The following TTC39A variants were observed in gnomAD, a reference collection of about 807,000 sequenced individuals.
TTC39A encodes the protein tetratricopeptide repeat domain 39A, also known as tetratricopeptide repeat protein 39A.
TTC39A carries 46 observed loss-of-function variants against 82.3 expected under a neutral mutation model. That is an observed-to-expected ratio of 0.56 (90% CI 0.44 to 0.71). The LOEUF is 0.71. Among genes scored for constraint, TTC39A ranks in the 30% least tolerant of loss-of-function variants. TTC39A has a pLI of 0.00. For synonymous variants in TTC39A, 254 were observed against 275.2 expected, an observed-to-expected ratio of 0.92 and a Z score of 0.76; for missense variants, 543 against 712.9, an observed-to-expected ratio of 0.76 and a Z score of 2.71.
chr1:51,342,708 C>A (rs1646051843), intron 1 of TTC39A, among the ~76,000 whole-genome samples: 2 of 152,138 alleles, frequency 1.3e-5, no homozygotes, highest in African/African-American at 4.8e-5. Flanking sequence ...GTAAAGAATT[C>A]TCTGGGTATT....
At chr1:51,324,964 C>T (rs1280619823) in intron 1 of TTC39A, among the ~76,000 whole-genome samples, 1 of 152,110 alleles carries the variant, frequency 6.6e-6, no homozygotes, top group African/African-American at 2.4e-5. Flanking sequence ...ATCTTTAAAA[C>T]CCACATCTGT....
In TTC39A at chr1:51,311,359, A is replaced by G. The variant is rs530692686; in HGVS notation, c.356-38T>C. The G allele has an allele frequency of 8.7e-5, 134 of 1,540,452 alleles. 1 individual carries two copies. The South Asian group carries it at 1.6e-3, about 18-fold the overall frequency. On this transcript the variant is annotated intron_variant, in intron 4 of 17. Transcript: ENST00000680483. ...AACCAAAGCCCCGTGGCCTCCTGGGACTCTAGTCAGGAGGCCTGGGACAAA... is the reference window on the plus strand; with the variant it reads ...AACCAAAGCCCCGTGGCCTCCTGGGGCTCTAGTCAGGAGGCCTGGGACAAA...
chr1:51,295,370 T>A (rs1270835432), intron 13 of TTC39A, among the ~76,000 whole-genome samples: 2 of 152,090 alleles, frequency 1.3e-5, no homozygotes, highest in Non-Finnish European at 2.9e-5. Flanking sequence ...CATTTCTGGG[T>A]CTGCAAATTG....
In TTC39A at chr1:51,309,294, C is replaced by CA. The variant is rs1330922819; in HGVS notation, c.454_455insT (p.Gly152ValfsTer27). Reference sequence around the variant, plus strand: ...CTGGTAGCTGTTTCGAACTTTGATGCCGCCTTTGATGAAGCTCACCATGTT... The same window carrying CA: ...CTGGTAGCTGTTTCGAACTTTGATGCACGCCTTTGATGAAGCTCACCATGTT... On this transcript the variant is annotated frameshift_variant, in exon 6 of 18. Coordinates refer to ENST00000680483, the MANE Select transcript of TTC39A (RefSeq NM_001297663.2). LOFTEE classifies it high-confidence loss of function. 7 of 1,612,424 alleles carry CA rather than the reference C, an allele frequency of 4.3e-6. No individual in the cohort carries two copies. The highest frequency in any genetic ancestry group is 3.4e-6 in the Non-Finnish European group (4 of 1,179,284).
chr1:51,329,332 A>T (rs979371777), intron 1 of TTC39A, among the ~76,000 whole-genome samples: 3 of 152,184 alleles, frequency 2.0e-5, no homozygotes, highest in Non-Finnish European at 4.4e-5. Context: ...TTGAGCCCAG[A>T]ACAGGAAAGG....
Position 51,288,317 on chromosome 1 carries a change from C to G in TTC39A, c.1611-37G>C. On this transcript the variant is annotated intron_variant, in intron 17 of 17. Transcript: ENST00000680483. This position sits in a 1 kb window ranked among gnomAD's most constrained non-coding sequence, Gnocchi z 4.8. The stretch of plus-strand genomic sequence containing the variant: ...CAGCGAATCAGACACATGAGGCTGC[C>G]TGCTCCCAGAGATGCTTTTCCTCCT... The G allele has an allele frequency of 6.2e-7, 1 of 1,613,226 alleles. No individual in the cohort carries two copies. Among genetic ancestry groups the G allele is most frequent in the Non-Finnish European group, 8.5e-7 (1 of 1,179,448 alleles).
At chr1:51,311,068 G>C (rs183151614) in intron 5 of TTC39A, among the ~76,000 whole-genome samples, 186 bp downstream of exon 5, 1 of 152,364 alleles carries the variant, frequency 6.6e-6, no homozygotes, top group African/African-American at 2.4e-5. Context: ...AGGAGATGAT[G>C]CCCATCACTT....
chr1:51,305,281 T>TA, intron 7 of TTC39A, 135 bp from the exon 8 acceptor site: 1 of 791,948 alleles, frequency 1.3e-6, no homozygotes, highest in Non-Finnish European at 2.1e-6. Flanking sequence ...TGAAAGCCTC[T>TA]AGCCAATGTT....
chr1:51,307,140 G>A (rs1348025400), intron 6 of TTC39A, among the ~76,000 whole-genome samples: 2 of 152,184 alleles, frequency 1.3e-5, no homozygotes, highest in Non-Finnish European at 2.9e-5. Context: ...AGAAGGGCCA[G>A]GGTGACCTCC....
upstream of TTC39A, chr1:51,330,740 C>G (rs942737704): frequency 1.6e-6 from 1 of 606,218 alleles, no homozygotes; most frequent in Non-Finnish European, 2.2e-6. This position sits in a 1 kb window ranked among gnomAD's most constrained non-coding sequence, Gnocchi z 4.5. Flanking sequence ...CAGGTGAGAG[C>G]CCGGCGCCCT....
chr1:51,297,861 C>G (rs901361336), intron 12 of TTC39A: 1 of 152,586 alleles, frequency 6.6e-6, no homozygotes, highest in Non-Finnish European at 1.5e-5. Flanking sequence ...GGAGACATCT[C>G]CTACAATTTC....
chr1:51,318,589 T>C (rs1221032432), intron 2 of TTC39A, among the ~76,000 whole-genome samples: 4 of 152,108 alleles, frequency 2.6e-5, no homozygotes, highest in African/African-American at 9.7e-5. Flanking sequence ...CCTGGGGACT[T>C]GTGGAAACCA....
chr1:51,287,917 C>A lies in TTC39A; in HGVS notation c.*240G>T, dbSNP rs1217974155. ...TAAACATCACAGTGAAAAGCAAGTA[C>A]CCGTATGTGTGATAGGGCAGGCAGA... On this transcript the variant is annotated 3_prime_UTR_variant, in exon 18 of 18. Coordinates refer to ENST00000680483, the MANE Select transcript of TTC39A (RefSeq NM_001297663.2). The A allele has an allele frequency of 9.9e-6, 5 of 506,928 alleles. No individual in the cohort carries two copies. Among genetic ancestry groups the A allele is most frequent in the Non-Finnish European group, 1.8e-5 (5 of 284,362 alleles). 31.4% of individuals were successfully genotyped at this position (506,928 alleles called of 1,614,324 possible).
intron 11 of TTC39A, 84 bp from the exon 12 acceptor site, chr1:51,301,817 A>G: frequency 6.5e-7 from 1 of 1,528,788 alleles, no homozygotes. Flanking sequence ...ACACCACAGC[A>G]GACCGGGACT....
intron 9 of TTC39A, 115 bp downstream of exon 9, chr1:51,302,969 G>T: frequency 1.1e-6 from 1 of 941,214 alleles, no homozygotes; most frequent in Non-Finnish European, 1.6e-6. Context: ...TCTGTTTCTG[G>T]TTTCAGTACC....
Position 51,294,324 on chromosome 1 carries a change from G to A in TTC39A, c.1266+67C>T. ...TCTCCTCATCCACCTCCCCCTGGCT[G>A]TGGCTCTCAGTGAATCCCCACAATC... On this transcript the variant is annotated intron_variant, in intron 14 of 17. Coordinates refer to ENST00000680483, the MANE Select transcript of TTC39A (RefSeq NM_001297663.2). This position sits in a 1 kb window ranked among gnomAD's most constrained non-coding sequence, Gnocchi z 4.3. 1.2e-6 allele frequency: 2 copies of A among 1,604,986 alleles called. No individual in the cohort carries two copies. The highest frequency in any genetic ancestry group is 1.3e-5 in the African/African-American group (1 of 74,876).
rs928546194 is a variant in TTC39A, at chr1:51,294,215, G to T, written c.1266+176C>A. 1.3e-5 allele frequency among the ~76,000 whole-genome samples: 2 copies of T among 152,120 alleles called. No homozygotes were observed. Among genetic ancestry groups the T allele is most frequent in the African/African-American group, 4.8e-5 (2 of 41,420 alleles). On this transcript the variant is annotated intron_variant, in intron 14 of 17. Coordinates refer to ENST00000680483, the MANE Select transcript of TTC39A (RefSeq NM_001297663.2). The surrounding 1 kb of genome is among the most constrained non-coding windows in gnomAD (Gnocchi z 4.3). ...TGTCTCTCCACTCTCAGCCCCAATGGACCCTCTCTAAGGGGCAGGGGCTGG... is the reference window on the plus strand; with the variant it reads ...TGTCTCTCCACTCTCAGCCCCAATGTACCCTCTCTAAGGGGCAGGGGCTGG...
intron 12 of TTC39A, chr1:51,298,595 G>A (rs1644534021): frequency 6.6e-6 from 1 of 152,364 alleles, no homozygotes; most frequent in Non-Finnish European, 1.5e-5. Context: ...CTCCAGGGAT[G>A]TACAGGGGCT....
At chr1:51,311,181 G>C (rs1450315414) in intron 5 of TTC39A, 73 bp downstream of exon 5, 2 of 1,428,684 alleles carry the variant, frequency 1.4e-6, no homozygotes, top group East Asian at 2.5e-5. Context: ...TTGCTCTAGG[G>C]GATGGGTCAT....
Sources: gnomAD v4.1 joint callset for allele counts (sites outside exome capture counted in the v4.1 genomes callset) on GRCh38, gnomAD v4.1.1 for gene constraint, Gnocchi (gnomAD v3.1) non-coding constraint, MANE v1.5 for transcripts, NCBI Gene and HGNC (gene_info 2026-07-23, HGNC 2026-07-21) for gene names.